ZFYVE9: variants seen among roughly 807,000 people sequenced by gnomAD.
ZFYVE9 encodes the protein zinc finger FYVE domain-containing protein 9.
Under a neutral mutation model 126.7 loss-of-function variants are expected in ZFYVE9, and 43 were observed. The ratio of observed to expected loss-of-function variants is 0.34; its 90% confidence interval spans 0.27 to 0.44. ZFYVE9 has a LOEUF of 0.44. Ranked by LOEUF, ZFYVE9 falls within the 20% of genes least tolerant of loss-of-function variation. The pLI is 1.00. For synonymous variants in ZFYVE9, 521 were observed against 597.4 expected, an observed-to-expected ratio of 0.87 and a Z score of 1.87; for missense variants, 1,476 against 1,697.0, an observed-to-expected ratio of 0.87 and a Z score of 2.29.
chr1:52,210,370 C>T lies in ZFYVE9; in HGVS notation c.-142-5999C>T, dbSNP rs185613869. ...ATGGAGTAAAACCCCTCTCTTACCT[C>T]GCTTTTTGCCTGAGTAACATTAGTT... On this transcript the variant is annotated intron_variant, in intron 1 of 18. Transcript: ENST00000287727. Among the ~76,000 whole-genome samples, 28 of 152,232 alleles carry T rather than the reference C, an allele frequency of 1.8e-4. No individual in the cohort carries two copies. The East Asian group carries it at 2.3e-3, about 13-fold the overall frequency.
At chr1:52,159,421 A>T (rs1185198898) in intron 1 of ZFYVE9, among the ~76,000 whole-genome samples, 1 of 152,222 alleles carries the variant, frequency 6.6e-6, no homozygotes, top group Non-Finnish European at 1.5e-5. Context: ...GACTTCCGTG[A>T]AAGGAAAGGG....
At chr1:52,324,107 G>A (rs1646267751) in intron 13 of ZFYVE9, among the ~76,000 whole-genome samples, 1 of 151,766 alleles carries the variant, frequency 6.6e-6, no homozygotes, top group South Asian at 2.1e-4. Context: ...AAAGATAGCT[G>A]GGCATAGTGG....
intron 1 of ZFYVE9, among the ~76,000 whole-genome samples, chr1:52,152,164 A>G (rs1644363808): frequency 6.6e-6 from 1 of 151,864 alleles, no homozygotes; most frequent in Non-Finnish European, 1.5e-5. Flanking sequence ...TAATTTTTGT[A>G]TTTTTAGTAG....
intron 1 of ZFYVE9, among the ~76,000 whole-genome samples, chr1:52,198,544 A>G (rs991559642): frequency 6.6e-5 from 10 of 152,206 alleles, no homozygotes; most frequent in Non-Finnish European, 1.3e-4. Context: ...GCTCGCAAAG[A>G]GTTGTCAAGA....
chr1:52,344,325 GC>G, intron 17 of ZFYVE9, among the ~76,000 whole-genome samples: 1 of 152,316 alleles, frequency 6.6e-6, no homozygotes, highest in East Asian at 1.9e-4. Flanking sequence ...GTGCCCTTGA[GC>G]CAGTCAATTC....
intron 4 of ZFYVE9, among the ~76,000 whole-genome samples, chr1:52,253,282 G>A (rs1645470323): frequency 1.3e-5 from 2 of 152,148 alleles, no homozygotes; most frequent in South Asian, 2.1e-4. Context: ...ATTATTTACA[G>A]CATCTACATT....
chr1:52,163,249 T>A (rs1048625137), intron 1 of ZFYVE9, among the ~76,000 whole-genome samples: 1 of 152,226 alleles, frequency 6.6e-6, no homozygotes, highest in Admixed American at 6.5e-5. Flanking sequence ...ATCTTCAACA[T>A]TTTTGGAAAA....
chr1:52,234,077 GGC>G (rs1645250352), intron 3 of ZFYVE9, among the ~76,000 whole-genome samples: 1 of 152,132 alleles, frequency 6.6e-6, no homozygotes, highest in Non-Finnish European at 1.5e-5. Flanking sequence ...CACCACGCCT[GGC>G]CAAGATTCAC....
chr1:52,285,780 T>A (rs1422894228), intron 10 of ZFYVE9, among the ~76,000 whole-genome samples: 1 of 152,108 alleles, frequency 6.6e-6, no homozygotes, highest in African/African-American at 2.4e-5. Context: ...TGAAACCGTC[T>A]CCCCTTCCCC....
At chr1:52,145,085 C>T (rs954724353) in intron 1 of ZFYVE9, among the ~76,000 whole-genome samples, 2 of 152,176 alleles carry the variant, frequency 1.3e-5, no homozygotes, top group Non-Finnish European at 2.9e-5. Context: ...TTGAGTGGAA[C>T]GTGCTAAATC....
chr1:52,276,077 G>A (rs1569650155), intron 8 of ZFYVE9, among the ~76,000 whole-genome samples: 1 of 151,426 alleles, frequency 6.6e-6, no homozygotes, highest in African/African-American at 2.4e-5. Flanking sequence ...CCGGCTAATT[G>A]TTGTATTTTT....
At chr1:52,305,724 G>A (rs552553162) in intron 13 of ZFYVE9, among the ~76,000 whole-genome samples, 5 of 152,138 alleles carry the variant, frequency 3.3e-5, no homozygotes, top group Non-Finnish European at 5.9e-5. Flanking sequence ...TGCAGGCACA[G>A]CTGTAGCTAC....
rs770281864 is a variant in ZFYVE9, at chr1:52,238,314, T to C, written c.897T>C (p.Ser299=). 1.9e-6 allele frequency: 3 copies of C among 1,613,776 alleles called. No individual in the cohort carries two copies. Among genetic ancestry groups the C allele is most frequent in the Non-Finnish European group, 2.5e-6 (3 of 1,179,956 alleles). Residue 299 remains serine (S), a synonymous_variant, in exon 4 of 19, where the codon TCT becomes TCC. Coordinates refer to ENST00000287727, the MANE Select transcript of ZFYVE9 (RefSeq NM_004799.4). ...PDEDLTGKIS[S]PRTDLGSPNS... is the part of the protein sequence containing the mutation. ...AGGACCTCACTGGCAAAATCAGCTC[T>C]CCTAGGACAGATCTAGGGAGTCCAA... is the stretch of plus-strand genomic sequence containing the variant.
In ZFYVE9 at chr1:52,237,852, G is replaced by A; in HGVS notation, c.435G>A (p.Glu145=). 1 of 1,614,076 alleles carries A rather than the reference G, an allele frequency of 6.2e-7. No homozygotes were observed. Among genetic ancestry groups the A allele is most frequent in the African/African-American group, 1.3e-5 (1 of 75,046 alleles). ...GAAACCTGGCTTGTCTGCCAGATGAGAAGAATGTTCTTGTTGTAGCCGTCA... is the reference window on the plus strand; with the variant it reads ...GAAACCTGGCTTGTCTGCCAGATGAAAAGAATGTTCTTGTTGTAGCCGTCA... ...KCGNLACLPD[E]KNVLVVAVMH... is the part of the protein sequence containing the mutation. Residue 145 remains glutamate (E), a synonymous_variant, in exon 4 of 19, where the codon GAG becomes GAA. Transcript: ENST00000287727.
In ZFYVE9 at chr1:52,194,899, G is replaced by A. The variant is rs665233; in HGVS notation, c.-142-21470G>A. 9.4e-3 allele frequency among the ~76,000 whole-genome samples: 1,432 copies of A among 152,256 alleles called. 22 individuals carry two copies. The highest frequency in any genetic ancestry group is 0.033 in the African/African-American group (1,362 of 41,564). On this transcript the variant is annotated intron_variant, in intron 1 of 18. Transcript: ENST00000287727. ...TGCTATTCAGCTATTTAAAAAGACA[G>A]CAAGTCTAGATGTACATGCATGACT...
chr1:52,291,053 T>C (rs771624343), intron 10 of ZFYVE9, among the ~76,000 whole-genome samples: 27 of 152,194 alleles, frequency 1.8e-4, no homozygotes, highest in Non-Finnish European at 2.9e-4. Flanking sequence ...TACTGCTACG[T>C]TGATATGACA....
rs565947196 is a variant in ZFYVE9, at chr1:52,329,146, T to G, written c.3439-3622T>G. Among the ~76,000 whole-genome samples the G allele has an allele frequency of 6.6e-4, 100 of 152,302 alleles. 1 individual carries two copies. Among genetic ancestry groups the G allele is most frequent in the South Asian group, 1.2e-3 (6 of 4,824 alleles). On this transcript the variant is annotated intron_variant, in intron 13 of 18. Coordinates refer to ENST00000287727, the MANE Select transcript of ZFYVE9 (RefSeq NM_004799.4). ...ATATTAAAAGTGATCTACAAATGATTCATTGCAAGCCGTATCAAAATTTCA... is the reference window on the plus strand; with the variant it reads ...ATATTAAAAGTGATCTACAAATGATGCATTGCAAGCCGTATCAAAATTTCA...
At chr1:52,182,558 T>A (rs577164016) in intron 1 of ZFYVE9, among the ~76,000 whole-genome samples, 1 of 151,962 alleles carries the variant, frequency 6.6e-6, no homozygotes, top group East Asian at 1.9e-4. Flanking sequence ...GCAGCATGCT[T>A]GTTAAGAGTC....
chr1:52,254,764 C>T (rs756186128), intron 4 of ZFYVE9, among the ~76,000 whole-genome samples: 5 of 151,928 alleles, frequency 3.3e-5, no homozygotes, highest in Admixed American at 1.3e-4. Context: ...CTCAGGAGTT[C>T]GAGACCAGCC....
Sources: gnomAD v4.1 joint callset for allele counts (sites outside exome capture counted in the v4.1 genomes callset) on GRCh38, gnomAD v4.1.1 for gene constraint, MANE v1.5 for transcripts, NCBI Gene and HGNC (gene_info 2026-07-23, HGNC 2026-07-21) for gene names.